THRB: variants seen among roughly 807,000 people sequenced by gnomAD.
THRB encodes the protein nuclear receptor subfamily 1 group A member 2.
A neutral mutation model predicts 47.8 loss-of-function variants in THRB; 12 were observed. The ratio of observed to expected loss-of-function variants is 0.25; its 90% CI spans 0.16 to 0.41. THRB has a LOEUF of 0.41. THRB is among the 10% of genes least tolerant of loss of function. THRB has a pLI of 1.00. For missense variants in THRB, 348 were observed against 589.2 expected, an observed-to-expected ratio of 0.59 and a Z score of 4.24; for synonymous variants, 218 against 212.2, an observed-to-expected ratio of 1.03 and a Z score of -0.24.
chr3:24,295,782 A>G (rs2056396371), intron 3 of THRB, among the ~76,000 whole-genome samples: 1 of 152,152 alleles, frequency 6.6e-6, no homozygotes, highest in Non-Finnish European at 1.5e-5. Flanking sequence ...TGGGTCAGTC[A>G]CTGAACTTCT....
At chr3:24,306,786 T>C (rs982039398) in intron 2 of THRB, among the ~76,000 whole-genome samples, 9 of 152,210 alleles carry the variant, frequency 5.9e-5, no homozygotes, top group Non-Finnish European at 1.2e-4. Context: ...CCACGTACGG[T>C]TGGAGTTTGA....
At chr3:24,451,708 G>T (rs1004780439) in intron 1 of THRB, among the ~76,000 whole-genome samples, 1 of 152,192 alleles carries the variant, frequency 6.6e-6, no homozygotes, top group South Asian at 2.1e-4. Flanking sequence ...CATCTCCTCA[G>T]TCCATGTTGC....
chr3:24,201,929 A>G (rs544081352), intron 4 of THRB, among the ~76,000 whole-genome samples: 26 of 152,290 alleles, frequency 1.7e-4, no homozygotes, highest in African/African-American at 6.3e-4. Flanking sequence ...CATTTTGATC[A>G]GTTTTCATTT....
chr3:24,246,306 T>A (rs929894996), intron 3 of THRB, among the ~76,000 whole-genome samples: 5 of 152,160 alleles, frequency 3.3e-5, no homozygotes, highest in African/African-American at 1.2e-4. Flanking sequence ...AGCTGGCATG[T>A]GAAGTGTGTT....
intron 2 of THRB, among the ~76,000 whole-genome samples, chr3:24,328,535 C>T (rs920050686): frequency 6.6e-6 from 1 of 152,220 alleles, no homozygotes; most frequent in Non-Finnish European, 1.5e-5. Flanking sequence ...CACCTACTTA[C>T]ACCCACTGCT....
intron 9 of THRB, among the ~76,000 whole-genome samples, chr3:24,131,031 T>G (rs1356643578): frequency 1.3e-5 from 2 of 152,252 alleles, no homozygotes; most frequent in Admixed American, 1.3e-4. Flanking sequence ...ACGATCTGCT[T>G]CTTTTGGTGC....
At chr3:24,464,392 G>T (rs754305926) in intron 1 of THRB, among the ~76,000 whole-genome samples, 1 of 152,058 alleles carries the variant, frequency 6.6e-6, no homozygotes, top group Admixed American at 6.6e-5. Context: ...GTCTTTCTAA[G>T]ATCTTGACTT....
chr3:24,128,587 A>G (rs906722144), intron 9 of THRB, among the ~76,000 whole-genome samples: 5 of 152,262 alleles, frequency 3.3e-5, no homozygotes, highest in Admixed American at 2.0e-4. Flanking sequence ...AAATGCCATT[A>G]TCAAAGGAGT....
At chr3:24,227,742 G>A (rs2047810617) in intron 4 of THRB, among the ~76,000 whole-genome samples, 1 of 152,156 alleles carries the variant, frequency 6.6e-6, no homozygotes, top group African/African-American at 2.4e-5. Context: ...TGTCCTACAT[G>A]TTTAGCTTAT....
intron 3 of THRB, among the ~76,000 whole-genome samples, chr3:24,265,140 C>T (rs754166557): frequency 6.6e-6 from 1 of 151,876 alleles, no homozygotes; most frequent in Non-Finnish European, 1.5e-5. Context: ...ATAGGAGGGA[C>T]CAAATTGGAC....
chr3:24,244,808 A>T (rs942598949), intron 3 of THRB, among the ~76,000 whole-genome samples: 2 of 152,190 alleles, frequency 1.3e-5, no homozygotes, highest in Non-Finnish European at 2.9e-5. Flanking sequence ...TGGTAATCTA[A>T]TAACATATAT....
At chr3:24,470,027 G>A (rs2074440882) in intron 1 of THRB, among the ~76,000 whole-genome samples, 1 of 152,080 alleles carries the variant, frequency 6.6e-6, no homozygotes, top group South Asian at 2.1e-4. Flanking sequence ...TCTTCTAGAG[G>A]GTCATTTAGA....
At chr3:24,333,194 C>T (rs764886599) in intron 2 of THRB, among the ~76,000 whole-genome samples, 3 of 152,102 alleles carry the variant, frequency 2.0e-5, no homozygotes, top group Non-Finnish European at 2.9e-5. Context: ...GATGAAAATG[C>T]ATACTGTTTA....
chr3:24,370,705 CG>C (rs1560040104), intron 1 of THRB, among the ~76,000 whole-genome samples: 2 of 152,096 alleles, frequency 1.3e-5, no homozygotes, highest in African/African-American at 4.8e-5. Context: ...TGCCACACTT[CG>C]GGCACTATAT....
At chr3:24,209,341 A>T (rs1255715636) in intron 4 of THRB, among the ~76,000 whole-genome samples, 2 of 152,234 alleles carry the variant, frequency 1.3e-5, no homozygotes, top group Non-Finnish European at 2.9e-5. Context: ...TACCCAAAGG[A>T]TTATAAATCA....
chr3:24,410,182 T>A (rs903073679), intron 1 of THRB, among the ~76,000 whole-genome samples: 1 of 151,622 alleles, frequency 6.6e-6, no homozygotes, highest in African/African-American at 2.4e-5. Flanking sequence ...ATTAGAAAAA[T>A]AATATTAACC....
At chr3:24,284,419 C>A (rs1204937162) in intron 3 of THRB, among the ~76,000 whole-genome samples, 12 of 150,798 alleles carry the variant, frequency 8.0e-5, no homozygotes, top group Non-Finnish European at 1.6e-4. Context: ...ACACCTTATA[C>A]AAAAATCAAT....
At chr3:24,186,279 A>G (rs1420868893) in intron 5 of THRB, among the ~76,000 whole-genome samples, 1 of 152,166 alleles carries the variant, frequency 6.6e-6, no homozygotes, top group African/African-American at 2.4e-5. Context: ...TCCTAGTGCC[A>G]CTGATTGGTA....
chr3:24,235,130 T>G (rs1324970287), intron 3 of THRB, among the ~76,000 whole-genome samples: 1 of 152,208 alleles, frequency 6.6e-6, no homozygotes, highest in Non-Finnish European at 1.5e-5. Context: ...TTGCCATTAC[T>G]TCTAATTGCT....
Sources: gnomAD v4.1 joint callset for allele counts (sites outside exome capture counted in the v4.1 genomes callset) on GRCh38, gnomAD v4.1.1 for gene constraint, MANE v1.5 for transcripts, NCBI Gene and HGNC (gene_info 2026-07-23, HGNC 2026-07-21) for gene names.